Variants in EFCAB6 observed in about 807,000 individuals in gnomAD.
EFCAB6 encodes the protein EF-hand calcium-binding domain-containing protein 6.
In EFCAB6, 156 loss-of-function variants were observed where a neutral mutation model predicts 169.8. That is an observed-to-expected ratio of 0.92 (90% CI 0.81 to 1.05). The LOEUF (loss-of-function observed/expected upper bound fraction) is 1.05, where lower values mean the gene tolerates loss of function less well. Among genes scored for constraint, EFCAB6 ranks in the 50% least tolerant of loss-of-function variants. The pLI is 0.00. For missense variants in EFCAB6, 1,800 were observed against 1,829.1 expected (o/e 0.98, Z 0.29); for synonymous variants, 698 against 676.4 (o/e 1.03, Z -0.50).
intron 6 of EFCAB6, among the ~76,000 whole-genome samples, chr22:43,739,666 T>C (rs1271451323): frequency 6.6e-6 from 1 of 152,120 alleles, no homozygotes; most frequent in East Asian, 1.9e-4. Context: ...TCCCAATAAA[T>C]GGTAAATCCA....
At chr22:43,632,260 G>C in intron 18 of EFCAB6, 22 bp from the exon 19 acceptor site, 1 of 1,605,632 alleles carries the variant, frequency 6.2e-7, no homozygotes, top group Non-Finnish European at 8.5e-7. Context: ...ACAAAGATCG[G>C]GGTTTCCATT....
At chr22:43,768,480 C>T (rs991819250) in intron 4 of EFCAB6, among the ~76,000 whole-genome samples, 2 of 152,162 alleles carry the variant, frequency 1.3e-5, no homozygotes, top group Admixed American at 6.5e-5. Flanking sequence ...CATCATAGAA[C>T]CATCTAGAAA....
In EFCAB6 at chr22:43,690,510, C is replaced by T. The variant is rs565883249; in HGVS notation, c.1032-2929G>A. Among the ~76,000 whole-genome samples the T allele has an allele frequency of 1.3e-4, 18 of 134,216 alleles. 1 individual carries two copies. The South Asian group carries it at 3.6e-3, about 27-fold the overall frequency. The allele number at this position is 134,216 out of a possible 152,430, so 88.1% of individuals were successfully genotyped here. A position where few individuals can be genotyped will look rare whatever the true frequency, so the allele number is the denominator to read the frequency against. ...CAGCCTGGGCGACAGAGCAAGACTC[C>T]GTCTCAGAAAAAAAAAAAAAAATGC... On this transcript the variant is annotated intron_variant, in intron 10 of 31. Coordinates refer to ENST00000262726, the MANE Select transcript of EFCAB6 (RefSeq NM_022785.4).
At chr22:43,679,094 T>C (rs2057897664) in intron 12 of EFCAB6, among the ~76,000 whole-genome samples, 1 of 152,224 alleles carries the variant, frequency 6.6e-6, no homozygotes, top group Non-Finnish European at 1.5e-5. Flanking sequence ...ATCACAAGGA[T>C]CTAATTCTAG....
chr22:43,576,150 A>T, intron 26 of EFCAB6, 147 bp downstream of exon 26: 1 of 583,670 alleles, frequency 1.7e-6, no homozygotes, highest in Non-Finnish European at 2.8e-6. Flanking sequence ...TCTGTATATA[A>T]TTTATACCAG....
chr22:43,682,729 A>G (rs1603198945), intron 12 of EFCAB6, among the ~76,000 whole-genome samples: 1 of 152,188 alleles, frequency 6.6e-6, no homozygotes, highest in East Asian at 1.9e-4. Context: ...CCAAGGTGTC[A>G]AGAGGATTTA....
In EFCAB6 at chr22:43,530,967, A is replaced by C. The variant is rs752691879; in HGVS notation, c.4234-3T>G. 1 of 1,613,378 alleles carries C rather than the reference A, an allele frequency of 6.2e-7. No individual in the cohort carries two copies. The highest frequency in any genetic ancestry group is 8.5e-7 in the Non-Finnish European group (1 of 1,179,772). ...GGCGTCTCCGCGCCGGCTTCTTTCT[A>C]GACACAAGACAAGAAGGGGTGAGGA... On this transcript the variant is annotated splice_region_variant and splice_polypyrimidine_tract_variant and intron_variant, in intron 30 of 31. Transcript: ENST00000262726.
At chr22:43,780,991 C>A (rs1367451056) in intron 3 of EFCAB6, among the ~76,000 whole-genome samples, 3 of 152,204 alleles carry the variant, frequency 2.0e-5, no homozygotes, top group African/African-American at 7.2e-5. Flanking sequence ...GCTCACGCTA[C>A]TTGAATTCTT....
intron 6 of EFCAB6, among the ~76,000 whole-genome samples, chr22:43,738,157 C>T (rs1465635223): frequency 1.3e-5 from 2 of 151,720 alleles, no homozygotes; most frequent in Non-Finnish European, 2.9e-5. Context: ...CACACTCACA[C>T]CATCACTCAC....
At chr22:43,567,205 C>T (rs989645488) in intron 26 of EFCAB6, among the ~76,000 whole-genome samples, 2 of 152,084 alleles carry the variant, frequency 1.3e-5, no homozygotes, top group African/African-American at 4.8e-5. Flanking sequence ...TACAGCTTGA[C>T]GTTCACAAAG....
At chr22:43,604,383 C>G (rs2052760173) in intron 22 of EFCAB6, among the ~76,000 whole-genome samples, 1 of 152,138 alleles carries the variant, frequency 6.6e-6, no homozygotes, top group Admixed American at 6.5e-5. Context: ...AGGGGGCTAG[C>G]CTTAGGTAAA....
At chr22:43,778,378 T>G (rs922440004) in intron 3 of EFCAB6, among the ~76,000 whole-genome samples, 6 of 152,086 alleles carry the variant, frequency 3.9e-5, no homozygotes, top group African/African-American at 7.2e-5. Flanking sequence ...TTTGCACAAG[T>G]TCGGGGCAGC....
intron 23 of EFCAB6, among the ~76,000 whole-genome samples, chr22:43,595,503 G>A (rs1452431821): frequency 6.6e-6 from 1 of 151,884 alleles, no homozygotes; most frequent in Non-Finnish European, 1.5e-5. Flanking sequence ...GCTGACAAAT[G>A]GGAAAACCTA....
At chr22:43,626,764 C>A in intron 19 of EFCAB6, 85 bp from the exon 20 acceptor site, 1 of 1,310,568 alleles carries the variant, frequency 7.6e-7, no homozygotes, top group African/African-American at 1.5e-5. Flanking sequence ...AGAGCCTCAT[C>A]TCCACGCGAG....
intron 10 of EFCAB6, among the ~76,000 whole-genome samples, chr22:43,691,867 G>A (rs2058424796): frequency 1.3e-5 from 2 of 152,158 alleles, no homozygotes. Context: ...ACCAGAGCAG[G>A]CAAAGTCTTG....
At chr22:43,740,146 C>T (rs1407419765) in intron 6 of EFCAB6, among the ~76,000 whole-genome samples, 2 of 152,326 alleles carry the variant, frequency 1.3e-5, no homozygotes, top group African/African-American at 4.8e-5. Flanking sequence ...TGGCTCACTC[C>T]CTGGCTTCAT....
intron 2 of EFCAB6, among the ~76,000 whole-genome samples, chr22:43,803,182 G>A (rs182434262): frequency 4.6e-5 from 7 of 152,224 alleles, no homozygotes; most frequent in East Asian, 1.9e-4. Flanking sequence ...GATTATCAGC[G>A]TGTCAGGCAA....
chr22:43,810,693 C>T (rs754802656), intron 1 of EFCAB6, among the ~76,000 whole-genome samples: 3 of 152,046 alleles, frequency 2.0e-5, no homozygotes. Flanking sequence ...CCCTGGAGAG[C>T]GAAATTTACA....
intron 6 of EFCAB6, among the ~76,000 whole-genome samples, chr22:43,742,346 C>T (rs1360329596): frequency 1.3e-5 from 2 of 152,198 alleles, no homozygotes. Context: ...GACTGCTTTC[C>T]CTTCCAAGGG....
Sources: allele counts gnomAD v4.1 joint callset (sites outside exome capture counted in the v4.1 genomes callset), GRCh38; gene constraint gnomAD v4.1.1; transcripts MANE v1.5; gene names NCBI Gene and HGNC (gene_info 2026-07-23, HGNC 2026-07-21).